Variants in IQCM observed in about 807,000 individuals in gnomAD.
IQCM encodes the protein IQ motif containing M.
IQCM carries 45 observed loss-of-function variants against 57.6 expected under a neutral mutation model. That is an observed-to-expected ratio of 0.78 (90% CI 0.62 to 1.00). IQCM has a LOEUF of 1.00. Ranked by LOEUF, IQCM falls within the 50% of genes least tolerant of loss-of-function variation. IQCM has a pLI of 0.00. For missense variants in IQCM, 468 were observed against 511.6 expected (o/e 0.91, Z 0.82); for synonymous variants, 148 against 158.9 (o/e 0.93, Z 0.51).
chr4:149,644,549 C>A (rs1758478370), intron 7 of IQCM, among the ~76,000 whole-genome samples: 1 of 152,116 alleles, frequency 6.6e-6, no homozygotes, highest in Non-Finnish European at 1.5e-5. Context: ...ATCTTGAATG[C>A]ATTTTCCGCA....
intron 2 of IQCM, among the ~76,000 whole-genome samples, chr4:149,800,640 G>T (rs1171003291): frequency 6.6e-6 from 1 of 151,928 alleles, no homozygotes; most frequent in South Asian, 2.1e-4. Context: ...AAAAATTTCA[G>T]TAAATTTGCA....
chr4:149,672,711 T>C (rs1232491698), intron 7 of IQCM, among the ~76,000 whole-genome samples: 1 of 152,148 alleles, frequency 6.6e-6, no homozygotes, highest in Non-Finnish European at 1.5e-5. Context: ...CTTCAGGATA[T>C]TTTCCAGGAG....
intron 12 of IQCM, among the ~76,000 whole-genome samples, chr4:149,541,523 AT>A (rs1467105005): frequency 1.4e-4 from 22 of 152,074 alleles, no homozygotes; most frequent in African/African-American, 4.8e-4. Flanking sequence ...TAAGTAGATA[AT>A]ATACACCCAC....
chr4:149,722,301 G>C (rs184828321), intron 5 of IQCM, among the ~76,000 whole-genome samples: 1 of 151,794 alleles, frequency 6.6e-6, no homozygotes, highest in Non-Finnish European at 1.5e-5. Flanking sequence ...TAGTTTAATT[G>C]GGTCCCATTA....
intron 12 of IQCM, among the ~76,000 whole-genome samples, chr4:149,481,759 T>A (rs574363715): frequency 7.4e-6 from 1 of 135,618 alleles, no homozygotes; most frequent in Non-Finnish European, 1.6e-5. Flanking sequence ...ATTCTGGGTC[T>A]TCTGTGATTC....
At chr4:149,738,642 A>C (rs997538853) in intron 3 of IQCM, among the ~76,000 whole-genome samples, 2 of 152,156 alleles carry the variant, frequency 1.3e-5, no homozygotes, top group Non-Finnish European at 2.9e-5. Flanking sequence ...ACAAGGCCTG[A>C]GACTGTTCAT....
chr4:149,777,452 TAA>T (rs1771198857), intron 2 of IQCM, among the ~76,000 whole-genome samples: 1 of 152,208 alleles, frequency 6.6e-6, no homozygotes, highest in African/African-American at 2.4e-5. Context: ...AATGGATTTC[TAA>T]AAAGATAGCA....
At chr4:149,587,836 T>C (rs1752779027) in intron 9 of IQCM, 94 bp downstream of exon 9, 3 of 512,310 alleles carry the variant, frequency 5.9e-6, no homozygotes, top group Non-Finnish European at 9.0e-6. Context: ...CAACCTATAC[T>C]TCCTTAAACC....
intron 13 of IQCM, among the ~76,000 whole-genome samples, chr4:149,377,252 A>T (rs1371652196): frequency 1.3e-5 from 2 of 152,210 alleles, no homozygotes; most frequent in African/African-American, 4.8e-5. Context: ...CCAGAACTGA[A>T]ATACAACATA....
At chr4:149,699,755 GATTTAGA>G (rs1763626276) in intron 5 of IQCM, among the ~76,000 whole-genome samples, 4 of 147,856 alleles carry the variant, frequency 2.7e-5, no homozygotes, top group Non-Finnish European at 4.5e-5. Flanking sequence ...CCTTGACGGA[GATTTAGA>G]GGCACCTCCC....
chr4:149,680,418 T>C (rs977155842), intron 7 of IQCM, among the ~76,000 whole-genome samples: 3 of 151,344 alleles, frequency 2.0e-5, no homozygotes, highest in Non-Finnish European at 4.4e-5. Context: ...TAAAAAGAAC[T>C]GTAAAAAATA....
At chr4:149,423,240 C>T (rs1224678349) in intron 13 of IQCM, among the ~76,000 whole-genome samples, 3 of 151,954 alleles carry the variant, frequency 2.0e-5, no homozygotes, top group Admixed American at 6.6e-5. Flanking sequence ...GGGAAGCAGG[C>T]ACCTTCTTCA....
chr4:149,511,383 C>G (rs1437807544), intron 12 of IQCM, among the ~76,000 whole-genome samples: 2 of 151,560 alleles, frequency 1.3e-5, no homozygotes, highest in African/African-American at 4.8e-5. Flanking sequence ...AAACAATTAG[C>G]CAGACATGGT....
At chr4:149,358,257 C>A (rs1346931532) in intron 13 of IQCM, among the ~76,000 whole-genome samples, 2 of 152,278 alleles carry the variant, frequency 1.3e-5, no homozygotes, top group African/African-American at 4.8e-5. Flanking sequence ...CAGTTCTGCT[C>A]TGATCTTAGT....
At chr4:149,661,890 A>T (rs1464936926) in intron 7 of IQCM, among the ~76,000 whole-genome samples, 3 of 151,956 alleles carry the variant, frequency 2.0e-5, no homozygotes, top group Non-Finnish European at 4.4e-5. Flanking sequence ...TTCTTAAAAA[A>T]GTTCTTTGTT....
intron 9 of IQCM, among the ~76,000 whole-genome samples, chr4:149,574,325 T>A (rs1378316918): frequency 6.6e-6 from 1 of 151,930 alleles, no homozygotes; most frequent in Non-Finnish European, 1.5e-5. Flanking sequence ...AGAGTCTCCA[T>A]ACAACTCTTA....
At chr4:149,589,596 TA>T (rs1169112304) in intron 8 of IQCM, among the ~76,000 whole-genome samples, 2 of 152,004 alleles carry the variant, frequency 1.3e-5, no homozygotes, top group Non-Finnish European at 2.9e-5. Flanking sequence ...ATCTTACTAG[TA>T]AGTGTTAATT....
At chr4:149,408,714 T>TA (rs935740273) in intron 13 of IQCM, among the ~76,000 whole-genome samples, 11 of 152,140 alleles carry the variant, frequency 7.2e-5, no homozygotes, top group African/African-American at 1.2e-4. Context: ...TTATAAAAGG[T>TA]AAAAAAAATT....
chr4:149,621,595 C>T (rs1201839480), intron 7 of IQCM, among the ~76,000 whole-genome samples: 2 of 151,976 alleles, frequency 1.3e-5, no homozygotes, highest in Non-Finnish European at 2.9e-5. Flanking sequence ...GCGAATAGCA[C>T]TTATAAAAAT....
Sources: allele counts gnomAD v4.1 joint callset (sites outside exome capture counted in the v4.1 genomes callset), GRCh38; gene constraint gnomAD v4.1.1; transcripts MANE v1.5; gene names NCBI Gene and HGNC (gene_info 2026-07-23, HGNC 2026-07-21).